The following ATP8A2 variants were observed in gnomAD, a reference collection of about 807,000 sequenced individuals.
ATP8A2 encodes ATPase phospholipid transporting 8A2.
A neutral mutation model predicts 165.6 loss-of-function variants in ATP8A2; 100 were observed. The observed-to-expected ratio is 0.60, with a 90% CI of 0.51 to 0.71. The LOEUF (loss-of-function observed/expected upper bound fraction) is 0.71. Ranked by LOEUF, ATP8A2 falls within the 30% of genes least tolerant of loss-of-function variation. The pLI, the probability that ATP8A2 is intolerant of heterozygous loss-of-function variation, is 0.00. For missense variants in ATP8A2, 1,227 were observed against 1,479.5 expected, an observed-to-expected ratio of 0.83 and a Z score of 2.80; for synonymous variants, 543 against 548.8, an observed-to-expected ratio of 0.99 and a Z score of 0.15.
At chr13:25,748,409 A>G (rs2044081971) in intron 25 of ATP8A2, among the ~76,000 whole-genome samples, 1 of 152,232 alleles carries the variant, frequency 6.6e-6, no homozygotes, top group Non-Finnish European at 1.5e-5. Flanking sequence ...TTTAAATGTT[A>G]CATAAGCTCT....
At chr13:25,641,824 G>A (rs2041530282) in intron 24 of ATP8A2, among the ~76,000 whole-genome samples, 1 of 132,954 alleles carries the variant, frequency 7.5e-6, no homozygotes, top group Admixed American at 8.0e-5. Context: ...GAACAAAGCT[G>A]GAGGCGTCAC....
intron 33 of ATP8A2, among the ~76,000 whole-genome samples, chr13:25,901,736 G>T (rs1953752763): frequency 6.6e-6 from 1 of 152,222 alleles, no homozygotes; most frequent in African/African-American, 2.4e-5. Flanking sequence ...GTTCACTCTA[G>T]ATCGTATTTG....
At chr13:25,907,501 A>T (rs1593540022) in intron 33 of ATP8A2, among the ~76,000 whole-genome samples, 1 of 152,346 alleles carries the variant, frequency 6.6e-6, no homozygotes, top group East Asian at 1.9e-4. Flanking sequence ...ACCTGTCTCT[A>T]TCCCTTGCTG....
intron 24 of ATP8A2, among the ~76,000 whole-genome samples, chr13:25,618,001 A>G (rs984777996): frequency 2.0e-5 from 3 of 152,198 alleles, no homozygotes; most frequent in African/African-American, 7.2e-5. Flanking sequence ...GTAAAATTGT[A>G]TTTAGGAGCT....
chr13:25,921,890 G>A (rs946597475), intron 33 of ATP8A2, among the ~76,000 whole-genome samples: 8 of 152,158 alleles, frequency 5.3e-5, no homozygotes, highest in East Asian at 1.9e-4. Flanking sequence ...AGTAAATAAC[G>A]TATTGAGGTA....
intron 1 of ATP8A2, among the ~76,000 whole-genome samples, chr13:25,415,368 T>C (rs1018877503): frequency 5.3e-5 from 8 of 152,108 alleles, no homozygotes; most frequent in African/African-American, 1.9e-4. Context: ...CTTCCCACCA[T>C]CTGTACAACT....
chr13:25,609,937 T>C (rs1048007705), intron 24 of ATP8A2, among the ~76,000 whole-genome samples: 2 of 152,094 alleles, frequency 1.3e-5, no homozygotes, highest in Non-Finnish European at 2.9e-5. Flanking sequence ...TGTCTATCCA[T>C]GTCCTTAGCC....
intron 25 of ATP8A2, among the ~76,000 whole-genome samples, chr13:25,746,130 A>G (rs942021378): frequency 2.0e-4 from 30 of 152,216 alleles, no homozygotes; most frequent in African/African-American, 6.8e-4. Flanking sequence ...GGTAAAGGCA[A>G]TTCATTCATA....
intron 1 of ATP8A2, among the ~76,000 whole-genome samples, chr13:25,455,793 A>G (rs1009760025): frequency 6.6e-6 from 1 of 152,200 alleles, no homozygotes; most frequent in Admixed American, 6.5e-5. Context: ...CCTTTGTGGC[A>G]ACACCTTACC....
intron 24 of ATP8A2, among the ~76,000 whole-genome samples, chr13:25,649,239 T>C (rs2041753819): frequency 6.6e-6 from 1 of 152,058 alleles, no homozygotes; most frequent in African/African-American, 2.4e-5. Flanking sequence ...TATTTTGGAG[T>C]TCTCTAAATG....
At chr13:26,006,999 A>G (rs11842527) in intron 35 of ATP8A2, among the ~76,000 whole-genome samples, 6,558 of 151,868 alleles carry the variant, frequency 0.043, 439 homozygotes, top group African/African-American at 0.14. Context: ...TTTAAAAAAA[A>G]AAAAGGAAAA....
At chr13:25,794,113 C>A (rs1254520850) in intron 27 of ATP8A2, among the ~76,000 whole-genome samples, 3 of 152,184 alleles carry the variant, frequency 2.0e-5, no homozygotes, top group Admixed American at 6.6e-5. Flanking sequence ...AGGACAGAGG[C>A]TCTCAAGGAG....
At chr13:25,555,171 T>G in intron 13 of ATP8A2, 103 bp downstream of exon 13, 3 of 779,680 alleles carry the variant, frequency 3.8e-6, no homozygotes, top group South Asian at 3.0e-5. Flanking sequence ...TACTTCTCCA[T>G]GAACATGGCT....
At chr13:25,978,804 G>T (rs1321856813) in intron 35 of ATP8A2, among the ~76,000 whole-genome samples, 1 of 152,158 alleles carries the variant, frequency 6.6e-6, no homozygotes, top group East Asian at 1.9e-4. Flanking sequence ...GCCGGGCTTG[G>T]TGGCGGGCGC....
intron 23 of ATP8A2, among the ~76,000 whole-genome samples, chr13:25,586,162 C>T (rs2039916530): frequency 6.6e-6 from 1 of 152,144 alleles, no homozygotes; most frequent in Admixed American, 6.5e-5. Flanking sequence ...GTAACTTAGT[C>T]TAGGTCATAC....
At chr13:25,563,632 T>G (rs942851732) in intron 15 of ATP8A2, among the ~76,000 whole-genome samples, 3 of 152,192 alleles carry the variant, frequency 2.0e-5, no homozygotes, top group Non-Finnish European at 4.4e-5. Flanking sequence ...CTTAGAAGTT[T>G]TCTCTGGTGG....
At chr13:25,835,122 G>GA (rs1951572129) in intron 28 of ATP8A2, among the ~76,000 whole-genome samples, 1 of 152,018 alleles carries the variant, frequency 6.6e-6, no homozygotes. Flanking sequence ...TTTAAAAAAA[G>GA]AAAAAGACTG....
chr13:25,660,655 GA>G (rs879463851), intron 24 of ATP8A2, among the ~76,000 whole-genome samples: 2,225 of 145,776 alleles, frequency 0.015, 48 homozygotes, highest in African/African-American at 0.051. Context: ...AACATAGAAG[GA>G]AAAAAAAAAG....
intron 2 of ATP8A2, among the ~76,000 whole-genome samples, chr13:25,485,717 C>T (rs1017451843): frequency 2.0e-5 from 3 of 152,136 alleles, no homozygotes; most frequent in Admixed American, 6.5e-5. Context: ...TATAACAAAA[C>T]GTTAATTCTC....
Sources: gnomAD v4.1 joint callset for allele counts (sites outside exome capture counted in the v4.1 genomes callset) on GRCh38, gnomAD v4.1.1 for gene constraint, MANE v1.5 for transcripts, NCBI Gene and HGNC (gene_info 2026-07-23, HGNC 2026-07-21) for gene names.